Variants in CAB39L observed in about 807,000 individuals in gnomAD.
The protein encoded by CAB39L is calcium-binding protein 39-like.
Under a neutral mutation model 39.1 loss-of-function variants are expected in CAB39L, and 23 were observed. That is an observed-to-expected ratio of 0.59 (90% CI 0.42 to 0.83). CAB39L has a LOEUF of 0.83. CAB39L is among the 40% of genes least tolerant of loss of function. The probability of loss-of-function intolerance (pLI) is 0.00; values close to 1 mark genes in which losing one functional copy is unlikely to be tolerated. For synonymous variants in CAB39L, 126 were observed against 137.2 expected, an observed-to-expected ratio of 0.92 and a Z score of 0.57; for missense variants, 366 against 391.9, an observed-to-expected ratio of 0.93 and a Z score of 0.56.
intron 8 of CAB39L, among the ~76,000 whole-genome samples, chr13:49,343,474 T>G (rs1955059204): frequency 6.6e-6 from 1 of 152,118 alleles, no homozygotes; most frequent in African/African-American, 2.4e-5. Flanking sequence ...CCCTGTGTCC[T>G]GCAGATAAGA....
chr13:49,431,394 G>A (rs1267065309), intron 3 of CAB39L, among the ~76,000 whole-genome samples: 4 of 152,094 alleles, frequency 2.6e-5, no homozygotes, highest in African/African-American at 7.2e-5. Flanking sequence ...TTTGGAAAAC[G>A]GTTTTAGCAG....
At chr13:49,382,703 A>C (rs1194869569) in intron 4 of CAB39L, 97 bp downstream of exon 4, 1 of 765,164 alleles carries the variant, frequency 1.3e-6, no homozygotes, top group East Asian at 2.6e-5. Context: ...TGTGCACATC[A>C]CAGACCATAT....
intron 5 of CAB39L, among the ~76,000 whole-genome samples, chr13:49,367,560 G>A (rs1439731533): frequency 6.6e-6 from 1 of 152,160 alleles, no homozygotes; most frequent in Admixed American, 6.5e-5. Context: ...CCAATTAGTA[G>A]GTGAATCTTC....
rs554099897 is a variant in CAB39L at position 49,370,054 on chromosome 13, A to G, written c.276+6913T>C. On this transcript the variant is annotated intron_variant, in intron 5 of 10. Coordinates refer to ENST00000409308, the MANE Select transcript of CAB39L (RefSeq NM_001079670.3). ...TATTCTTGCTGGTGTGTTGCGGGGG[A>G]GTTGAGGTGGGTGGGAGCAAGTGGT... is the stretch of plus-strand genomic sequence containing the variant. 2.2e-3 allele frequency among the ~76,000 whole-genome samples: 330 copies of G among 151,788 alleles called. 2 individuals carry two copies. Among genetic ancestry groups the G allele is most frequent in the African/African-American group, 7.6e-3 (314 of 41,364 alleles).
At chr13:49,410,947 A>G (rs1956977229) in intron 3 of CAB39L, among the ~76,000 whole-genome samples, 1 of 152,182 alleles carries the variant, frequency 6.6e-6, no homozygotes, top group African/African-American at 2.4e-5. Flanking sequence ...ATCACAGAAC[A>G]ATTAGTTTTA....
At chr13:49,363,822 CAAA>C (rs112015067) in intron 5 of CAB39L, among the ~76,000 whole-genome samples, 1 of 59,458 alleles carries the variant, frequency 1.7e-5, no homozygotes, top group Non-Finnish European at 3.3e-5. Context: ...GACCCTGTCT[CAAA>C]AAAAAAAAAA....
Position 49,432,636 on chromosome 13 carries a change from C to G in CAB39L, c.-32+682G>C, listed in dbSNP as rs376095394. 4.1e-4 allele frequency among the ~76,000 whole-genome samples: 62 copies of G among 152,142 alleles called. 1 individual carries two copies. In the South Asian group the frequency reaches 0.012, roughly 31 times the overall value. ...ACAATTATTTGATGAATGCATTGAT[C>G]GTACATTCCTCCATGGAGGATTTTT... On this transcript the variant is annotated intron_variant, in intron 3 of 10. Coordinates refer to ENST00000409308, the MANE Select transcript of CAB39L (RefSeq NM_001079670.3).
chr13:49,432,810 T>C (rs1413936652), intron 3 of CAB39L, among the ~76,000 whole-genome samples: 1 of 152,178 alleles, frequency 6.6e-6, no homozygotes, highest in Non-Finnish European at 1.5e-5. Flanking sequence ...CCAAGAATTA[T>C]TAGGGAAGAT....
intron 3 of CAB39L, among the ~76,000 whole-genome samples, chr13:49,409,250 C>G (rs1956941870): frequency 6.6e-6 from 1 of 152,128 alleles, no homozygotes; most frequent in Non-Finnish European, 1.5e-5. Context: ...ATGCATAACC[C>G]AACTCTGCCA....
intron 3 of CAB39L, among the ~76,000 whole-genome samples, chr13:49,427,866 A>C (rs1957267009): frequency 6.6e-6 from 1 of 152,214 alleles, no homozygotes; most frequent in African/African-American, 2.4e-5. Flanking sequence ...CCTGGTTCAC[A>C]GATGGCCATC....
chr13:49,437,452 GT>G (rs1230686927), intron 1 of CAB39L, among the ~76,000 whole-genome samples: 1 of 152,082 alleles, frequency 6.6e-6, no homozygotes, highest in Non-Finnish European at 1.5e-5. Flanking sequence ...ATGAGACTGC[GT>G]CTTTGGTCTC....
chr13:49,338,066 T>A lies in CAB39L; in HGVS notation c.690+1611A>T, dbSNP rs77908549. Among the ~76,000 whole-genome samples, 130 of 152,336 alleles carry A rather than the reference T, an allele frequency of 8.5e-4. 1 individual carries two copies. The highest frequency in any genetic ancestry group is 1.5e-3 in the Non-Finnish European group (105 of 68,026). On this transcript the variant is annotated intron_variant, in intron 9 of 10. Transcript: ENST00000409308. ...ATTGAGAATTGGCTTTATTTTCATT[T>A]CCAGCTAGCTGCATCGTCTTTTAAT...
intron 7 of CAB39L, among the ~76,000 whole-genome samples, chr13:49,346,100 G>GAGATAT (rs1555254610): frequency 0.023 from 714 of 30,912 alleles, 78 homozygotes; most frequent in Middle Eastern, 0.054. Context: ...ATATATGCTA[G>GAGATAT]ATATATATAT....
chr13:49,404,177 C>T (rs904820307), intron 3 of CAB39L, among the ~76,000 whole-genome samples: 5 of 152,094 alleles, frequency 3.3e-5, no homozygotes, highest in African/African-American at 1.2e-4. Context: ...CTGTAGGCAG[C>T]TCAGCAAGGA....
At chr13:49,361,477 CAAAAAAAAA>C (rs33984866) in intron 5 of CAB39L, among the ~76,000 whole-genome samples, 2 of 54,440 alleles carry the variant, frequency 3.7e-5, no homozygotes, top group South Asian at 1.1e-3. Flanking sequence ...GACTTCATCT[CAAAAAAAAA>C]AAAAAAAAAA....
chr13:49,360,920 C>T (rs182058208), intron 5 of CAB39L, among the ~76,000 whole-genome samples: 24 of 152,198 alleles, frequency 1.6e-4, no homozygotes, highest in Non-Finnish European at 3.4e-4. Flanking sequence ...TCAATTAAAC[C>T]CCTTTCCTTT....
chr13:49,407,536 C>T (rs957778227), intron 3 of CAB39L, among the ~76,000 whole-genome samples: 2 of 151,512 alleles, frequency 1.3e-5, no homozygotes, highest in Non-Finnish European at 2.9e-5. Flanking sequence ...TGTCATGATC[C>T]CCCCCCAAAA....
At chr13:49,320,762 T>C (rs1954315745) in intron 10 of CAB39L, among the ~76,000 whole-genome samples, 1 of 152,222 alleles carries the variant, frequency 6.6e-6, no homozygotes, top group Non-Finnish European at 1.5e-5. Context: ...TCCTTATTCA[T>C]ATGACTACAC....
At chr13:49,400,610 A>G (rs1956749942) in intron 3 of CAB39L, among the ~76,000 whole-genome samples, 1 of 152,168 alleles carries the variant, frequency 6.6e-6, no homozygotes, top group African/African-American at 2.4e-5. Context: ...ATAAAGTAGG[A>G]AAAATCAGGT....
Sources: allele counts gnomAD v4.1 joint callset (sites outside exome capture counted in the v4.1 genomes callset), GRCh38; gene constraint gnomAD v4.1.1; transcripts MANE v1.5; gene names NCBI Gene and HGNC (gene_info 2026-07-23, HGNC 2026-07-21).